RGS6: variants seen among roughly 807,000 people sequenced by gnomAD.
The protein encoded by RGS6 is regulator of G-protein signaling 6.
A neutral mutation model predicts 78.5 loss-of-function variants in RGS6; 30 were observed. That is an observed-to-expected ratio of 0.38 (90% CI 0.29 to 0.52). RGS6 has a LOEUF of 0.52. RGS6 is among the 20% of genes least tolerant of loss of function. The pLI, the probability that RGS6 is intolerant of heterozygous loss-of-function variation, is 0.85. For synonymous variants in RGS6, 206 were observed against 206.0 expected, an observed-to-expected ratio of 1.00 and a Z score of 0.00; for missense variants, 495 against 609.7, an observed-to-expected ratio of 0.81 and a Z score of 1.98.
At chr14:72,493,074 T>C (rs2096599281) in intron 12 of RGS6, among the ~76,000 whole-genome samples, 1 of 152,146 alleles carries the variant, frequency 6.6e-6, no homozygotes, top group African/African-American at 2.4e-5. Flanking sequence ...CCTATGACAA[T>C]GAAGCCCATC....
intron 13 of RGS6, among the ~76,000 whole-genome samples, chr14:72,506,395 T>C (rs888135377): frequency 5.3e-5 from 8 of 152,246 alleles, no homozygotes; most frequent in Non-Finnish European, 1.2e-4. Context: ...GGACAGTTAT[T>C]GTACCACTTA....
chr14:72,590,426 C>T, the RGS6 span, among the ~76,000 whole-genome samples: 146 of 152,266 alleles, frequency 9.6e-4, no homozygotes, highest in Middle Eastern at 3.4e-3. Flanking sequence ...AATTGTGGCT[C>T]GTTCATATAG....
intron 3 of RGS6, among the ~76,000 whole-genome samples, chr14:72,374,484 T>C (rs1343975179): frequency 6.6e-6 from 1 of 152,158 alleles, no homozygotes. Context: ...ATTAAGAAAA[T>C]GTGGCACATA....
the RGS6 span, among the ~76,000 whole-genome samples, chr14:71,895,705 C>T: frequency 6.6e-6 from 1 of 152,136 alleles, no homozygotes; most frequent in Non-Finnish European, 1.5e-5. Context: ...TATGGGGATA[C>T]TAACCAGGTG....
chr14:72,412,278 T>C lies in RGS6; in HGVS notation c.185-42250T>C, dbSNP rs558107300. 2.0e-5 allele frequency among the ~76,000 whole-genome samples: 3 copies of C among 152,370 alleles called. No homozygotes were observed. In the East Asian group the frequency reaches 5.8e-4, roughly 29 times the overall value. On this transcript the variant is annotated intron_variant, in intron 3 of 17. Transcript: ENST00000553525. ...TTGGTCTATTCAGAGATTCAACTTC[T>C]TCCTGGTTTAGTCTTGGGAGGGTGT...
intron 2 of RGS6, among the ~76,000 whole-genome samples, chr14:72,217,134 C>T (rs1225207662): frequency 6.6e-6 from 1 of 152,036 alleles, no homozygotes; most frequent in Non-Finnish European, 1.5e-5. Flanking sequence ...AATCAAAGTG[C>T]CCCCCAAGAG....
intron 2 of RGS6, among the ~76,000 whole-genome samples, chr14:72,069,293 T>A (rs1267834500): frequency 6.6e-6 from 1 of 151,984 alleles, no homozygotes; most frequent in Admixed American, 6.6e-5. Context: ...TAGGTTGATA[T>A]TTTTTTTCTC....
At chr14:72,611,111 G>T in the RGS6 span, among the ~76,000 whole-genome samples, 12 of 152,186 alleles carry the variant, frequency 7.9e-5, no homozygotes, top group African/African-American at 2.9e-4. Context: ...CCTTCCCTTG[G>T]GCCACCCCCC....
intron 3 of RGS6, among the ~76,000 whole-genome samples, chr14:72,382,254 A>G (rs1310664179): frequency 6.6e-6 from 1 of 152,288 alleles, no homozygotes; most frequent in East Asian, 1.9e-4. Context: ...TGAGAAAACA[A>G]CAAACAATGC....
chr14:72,356,761 T>C (rs904814060), intron 3 of RGS6, among the ~76,000 whole-genome samples: 30 of 152,232 alleles, frequency 2.0e-4, no homozygotes, highest in African/African-American at 5.8e-4. Context: ...GTCTTTGCTC[T>C]GCACTTCTCC....
At chr14:72,245,588 C>T (rs752429295) in intron 2 of RGS6, among the ~76,000 whole-genome samples, 9 of 152,212 alleles carry the variant, frequency 5.9e-5, no homozygotes, top group Non-Finnish European at 1.3e-4. Context: ...CCAGGTGTTC[C>T]TTGCCCTCAT....
intron 2 of RGS6, among the ~76,000 whole-genome samples, chr14:72,176,564 TCCC>T (rs1299678450): frequency 6.6e-6 from 1 of 152,034 alleles, no homozygotes; most frequent in Non-Finnish European, 1.5e-5. Context: ...TAGGAGACAA[TCCC>T]CTTACAAAGA....
the RGS6 span, among the ~76,000 whole-genome samples, chr14:72,615,351 A>C: frequency 6.6e-6 from 1 of 152,180 alleles, no homozygotes; most frequent in African/African-American, 2.4e-5. Flanking sequence ...ATAAAAGAGC[A>C]CAGGTCTCCT....
chr14:72,534,600 C>T (rs760599504), intron 15 of RGS6, among the ~76,000 whole-genome samples: 1 of 152,186 alleles, frequency 6.6e-6, no homozygotes, highest in Non-Finnish European at 1.5e-5. Flanking sequence ...TTTATCTATT[C>T]ATTGATGGAC....
chr14:71,930,468 C>A (rs1015590767), upstream of RGS6, among the ~76,000 whole-genome samples: 3 of 151,984 alleles, frequency 2.0e-5, no homozygotes, highest in African/African-American at 7.3e-5. Context: ...TATAAGAAAC[C>A]ATACTACATA....
intron 14 of RGS6, 68 bp downstream of exon 14, chr14:72,510,347 A>ATCTC (rs5809578): frequency 3.1e-5 from 37 of 1,178,840 alleles, no homozygotes; most frequent in Non-Finnish European, 4.0e-5. Context: ...CGGTCTCTCC[A>ATCTC]TCTCTCTCTC....
At chr14:72,314,114 T>C (rs937211632) in intron 2 of RGS6, among the ~76,000 whole-genome samples, 4 of 152,228 alleles carry the variant, frequency 2.6e-5, no homozygotes, top group African/African-American at 9.6e-5. Context: ...TAACCGTCCA[T>C]AGTTACTGTG....
chr14:72,514,786 G>C (rs913602330), intron 14 of RGS6, among the ~76,000 whole-genome samples: 1 of 152,212 alleles, frequency 6.6e-6, no homozygotes, highest in African/African-American at 2.4e-5. Flanking sequence ...TGATGCAGCT[G>C]CTGGCATTTC....
intron 2 of RGS6, among the ~76,000 whole-genome samples, chr14:72,248,158 AT>A (rs1479844077): frequency 2.6e-5 from 4 of 152,186 alleles, no homozygotes; most frequent in South Asian, 4.1e-4. Context: ...AGGTCAAATT[AT>A]TTTTATAACA....
Sources: allele counts gnomAD v4.1 joint callset (sites outside exome capture counted in the v4.1 genomes callset), GRCh38; gene constraint gnomAD v4.1.1; transcripts MANE v1.5; gene names NCBI Gene and HGNC (gene_info 2026-07-23, HGNC 2026-07-21).